CYTH1: variants seen among roughly 807,000 people sequenced by gnomAD.
CYTH1 encodes the protein cytohesin 1, also known as cytohesin-1.
A neutral mutation model predicts 61.8 loss-of-function variants in CYTH1; 18 were observed. That is an observed-to-expected ratio of 0.29 (90% confidence interval 0.20 to 0.43). The LOEUF (loss-of-function observed/expected upper bound fraction) is 0.43, where lower values mean the gene tolerates loss of function less well. Ranked by LOEUF, CYTH1 falls within the 20% of genes least tolerant of loss-of-function variation. CYTH1 has a pLI of 1.00. For synonymous variants in CYTH1, 174 were observed against 184.3 expected (o/e 0.94, Z 0.45); for missense variants, 336 against 510.5 (o/e 0.66, Z 3.29).
chr17:78,715,695 C>G (rs2093174916), intron 1 of CYTH1, among the ~76,000 whole-genome samples: 1 of 152,042 alleles, frequency 6.6e-6, no homozygotes, highest in African/African-American at 2.4e-5. Context: ...ATGAAACATG[C>G]CCCCCGAGTG....
At chr17:78,780,676 G>C (rs2093513208) in intron 1 of CYTH1, among the ~76,000 whole-genome samples, 1 of 152,168 alleles carries the variant, frequency 6.6e-6, no homozygotes, top group African/African-American at 2.4e-5. Flanking sequence ...TTCAAGACCA[G>C]CCTGGGTAAC....
intron 1 of CYTH1, among the ~76,000 whole-genome samples, chr17:78,711,310 TATATACACAC>T (rs1472802352): frequency 7.0e-6 from 1 of 143,698 alleles, no homozygotes; most frequent in East Asian, 2.0e-4. Context: ...ATAATATATA[TATATACACAC>T]ACACACACAC....
intron 1 of CYTH1, among the ~76,000 whole-genome samples, chr17:78,729,130 AG>A (rs1276923297): frequency 6.6e-6 from 1 of 152,166 alleles, no homozygotes; most frequent in Non-Finnish European, 1.5e-5. Context: ...ATTTTTAGAG[AG>A]AGGGTCTCAC....
intron 1 of CYTH1, among the ~76,000 whole-genome samples, chr17:78,780,554 C>T (rs1344228336): frequency 6.6e-6 from 1 of 151,998 alleles, no homozygotes; most frequent in Non-Finnish European, 1.5e-5. Context: ...AATGCACAAG[C>T]TGCTTTTACT....
At chr17:78,702,383 C>A (rs2093020145) in intron 4 of CYTH1, 143 bp from the exon 5 acceptor site, 1 of 1,011,776 alleles carries the variant, frequency 9.9e-7, no homozygotes, top group Admixed American at 2.2e-5. Flanking sequence ...GCCGGGGAGT[C>A]ACAGTTTAGG....
chr17:78,760,456 C>T (rs186958475), intron 1 of CYTH1, among the ~76,000 whole-genome samples: 65 of 29,250 alleles, frequency 2.2e-3, no homozygotes, highest in South Asian at 5.0e-3. Context: ...TATATATATA[C>T]ATACATATAT....
rs1261791741 is a variant in CYTH1, at chr17:78,734,052, C to G, written c.23-24320G>C. Among the ~76,000 whole-genome samples the G allele has an allele frequency of 2.0e-5, 3 of 152,294 alleles. No homozygotes were observed. In the East Asian group the frequency reaches 5.8e-4, roughly 29 times the overall value. On this transcript the variant is annotated intron_variant, in intron 1 of 13. Coordinates refer to ENST00000446868, the MANE Select transcript of CYTH1 (RefSeq NM_004762.6). ...ATCACATGAGGTCAGGAGTTCAACA[C>G]AAGCCTGGCCAACATGGTGAAACCT...
intron 11 of CYTH1, among the ~76,000 whole-genome samples, chr17:78,684,546 A>G (rs1200386441): frequency 6.6e-6 from 1 of 152,200 alleles, no homozygotes; most frequent in Non-Finnish European, 1.5e-5. Flanking sequence ...AAGAACAATC[A>G]CTGTTGCTGT....
intron 1 of CYTH1, among the ~76,000 whole-genome samples, chr17:78,722,143 T>C (rs2093234360): frequency 6.6e-6 from 1 of 152,204 alleles, no homozygotes; most frequent in African/African-American, 2.4e-5. Flanking sequence ...AGAACCTAAG[T>C]GACAAAATTT....
intron 11 of CYTH1, among the ~76,000 whole-genome samples, chr17:78,685,813 T>C (rs1300827898): frequency 6.6e-6 from 1 of 152,046 alleles, no homozygotes; most frequent in African/African-American, 2.4e-5. Flanking sequence ...AACAATAACG[T>C]GGCTGGATAA....
intron 1 of CYTH1, among the ~76,000 whole-genome samples, chr17:78,719,471 A>G (rs1268753923): frequency 6.6e-6 from 1 of 152,214 alleles, no homozygotes; most frequent in Non-Finnish European, 1.5e-5. Flanking sequence ...GTTCTTACAG[A>G]TCATTACTGC....
chr17:78,729,325 A>G (rs2093281671), intron 1 of CYTH1, among the ~76,000 whole-genome samples: 1 of 152,236 alleles, frequency 6.6e-6, no homozygotes, highest in African/African-American at 2.4e-5. Flanking sequence ...TAAAGCAAAG[A>G]TGAATACAAT....
intron 11 of CYTH1, among the ~76,000 whole-genome samples, chr17:78,682,785 C>A (rs756220397): frequency 6.6e-6 from 1 of 152,230 alleles, no homozygotes; most frequent in Non-Finnish European, 1.5e-5. Flanking sequence ...ACACGACTGC[C>A]GTCCTCTGTG....
intron 1 of CYTH1, among the ~76,000 whole-genome samples, chr17:78,747,145 CAAAAAA>C (rs56201341): frequency 9.7e-4 from 56 of 57,834 alleles, no homozygotes; most frequent in African/African-American, 2.9e-3. Flanking sequence ...ATGGCAGCGC[CAAAAAA>C]AAAAAAAAAA....
At chr17:78,682,348 G>T (rs2092772672) in intron 11 of CYTH1, among the ~76,000 whole-genome samples, 1 of 152,128 alleles carries the variant, frequency 6.6e-6, no homozygotes, top group South Asian at 2.1e-4. Context: ...ATGCTAATTT[G>T]TATCAGGCAT....
At chr17:78,709,840 C>A in intron 1 of CYTH1, 108 bp from the exon 2 acceptor site, 1 of 947,726 alleles carries the variant, frequency 1.1e-6, no homozygotes, top group South Asian at 1.5e-5. Flanking sequence ...AACTAGAAGT[C>A]AGTTTCAGAA....
intron 1 of CYTH1, among the ~76,000 whole-genome samples, chr17:78,755,087 A>G (rs1044757832): frequency 2.0e-4 from 30 of 152,158 alleles, no homozygotes; most frequent in African/African-American, 7.0e-4. Context: ...GAGACCAAAA[A>G]CGTGGTGCAG....
At chr17:78,699,837 G>A (rs1439207361) in intron 7 of CYTH1, among the ~76,000 whole-genome samples, 1 of 152,098 alleles carries the variant, frequency 6.6e-6, no homozygotes, top group Non-Finnish European at 1.5e-5. Context: ...CAGGCTTGGA[G>A]TGCTGTGGTG....
intron 9 of CYTH1, among the ~76,000 whole-genome samples, chr17:78,697,417 T>C (rs1399506213): frequency 1.3e-5 from 2 of 150,866 alleles, no homozygotes; most frequent in Non-Finnish European, 2.9e-5. Context: ...CATGTGGACA[T>C]GAATGTGTAT....
Sources: gnomAD v4.1 joint callset for allele counts (sites outside exome capture counted in the v4.1 genomes callset) on GRCh38, gnomAD v4.1.1 for gene constraint, MANE v1.5 for transcripts, NCBI Gene and HGNC (gene_info 2026-07-23, HGNC 2026-07-21) for gene names.